Variants in CC2D2B observed in about 807,000 individuals in gnomAD.
CC2D2B encodes coiled-coil and C2 domain containing 2B.
Under a neutral mutation model 161.2 loss-of-function variants are expected in CC2D2B, and 128 were observed. The ratio of observed to expected loss-of-function variants is 0.79; its 90% CI spans 0.69 to 0.92. CC2D2B has a LOEUF of 0.92. Among genes scored for constraint, CC2D2B ranks in the 40% least tolerant of loss-of-function variants. The pLI is 0.00. For missense variants in CC2D2B, 1,173 were observed against 1,375.1 expected (o/e 0.85, Z 2.32); for synonymous variants, 391 against 449.8 (o/e 0.87, Z 1.65).
chr10:95,923,765 A>G (rs1425377069), intron 3 of CC2D2B, among the ~76,000 whole-genome samples: 3 of 152,200 alleles, frequency 2.0e-5, no homozygotes, highest in Non-Finnish European at 4.4e-5. Flanking sequence ...CTGTAATCCC[A>G]GGACTTTGGG....
chr10:95,941,496 C>T lies in CC2D2B; in HGVS notation c.801+2571C>T, dbSNP rs1407286559. On this transcript the variant is annotated intron_variant, in intron 9 of 34. Transcript: ENST00000646931. Reference sequence around the variant, plus strand: ...ATAAAGAACTGATTTAACTCAGTAACAAATTAAAAAATGGGAAAAAGACTT... The same window carrying T: ...ATAAAGAACTGATTTAACTCAGTAATAAATTAAAAAATGGGAAAAAGACTT... Among the ~76,000 whole-genome samples, 3 of 151,684 alleles carry T rather than the reference C, an allele frequency of 2.0e-5. No individual in the cohort carries two copies. In the East Asian group the frequency reaches 5.8e-4, roughly 29 times the overall value.
At chr10:95,944,690 T>C (rs1025839816) in intron 9 of CC2D2B, among the ~76,000 whole-genome samples, 2 of 152,226 alleles carry the variant, frequency 1.3e-5, no homozygotes, top group African/African-American at 2.4e-5. Flanking sequence ...CCATTCAGGT[T>C]AACCTTTGTA....
At chr10:96,024,811 A>G in intron 32 of CC2D2B, 42 bp from the exon 33 acceptor site, 2 of 1,177,668 alleles carry the variant, frequency 1.7e-6, no homozygotes, top group East Asian at 2.6e-5. Flanking sequence ...TGATGTAAAC[A>G]TGGTCTCTAG....
At chr10:95,960,019 T>C (rs2076707449) in intron 11 of CC2D2B, among the ~76,000 whole-genome samples, 1 of 152,210 alleles carries the variant, frequency 6.6e-6, no homozygotes, top group African/African-American at 2.4e-5. Flanking sequence ...TGATTAATAA[T>C]TTGATCCATT....
At chr10:95,972,452 T>A (rs114817469) in intron 16 of CC2D2B, among the ~76,000 whole-genome samples, 6,285 of 152,184 alleles carry the variant, frequency 0.041, 199 homozygotes, top group African/African-American at 0.082. Context: ...TAGCTGGGAT[T>A]ACAGATCCCT....
chr10:96,016,732 T>A (rs1266198179), intron 30 of CC2D2B, among the ~76,000 whole-genome samples: 1 of 152,212 alleles, frequency 6.6e-6, no homozygotes, highest in Non-Finnish European at 1.5e-5. Flanking sequence ...TTTATTTTTG[T>A]TTTTTGAGAT....
intron 19 of CC2D2B, among the ~76,000 whole-genome samples, chr10:95,985,519 C>T (rs2077683569): frequency 6.6e-6 from 1 of 152,130 alleles, no homozygotes; most frequent in Admixed American, 6.6e-5. Flanking sequence ...TTTCCTATGC[C>T]TGTCTTTACT....
Position 95,927,271 on chromosome 10 carries a change from G to A in CC2D2B, c.275G>A (p.Ser92Asn), listed in dbSNP as rs781448921. The A allele has an allele frequency of 4.5e-6, 7 of 1,551,230 alleles. No individual in the cohort carries two copies. The South Asian group carries it at 8.3e-5, about 18-fold the overall frequency. Residue 92 changes from serine (S) to asparagine (N), a missense_variant, in exon 6 of 35, where the codon AGT becomes AAT. Ser to Asn is a conservative substitution (Grantham distance 46). This residue lies in a region of CC2D2B where 298 missense variants were observed against 261.2 expected (regional missense o/e 1.14). Coordinates refer to ENST00000646931, the MANE Select transcript of CC2D2B (RefSeq NM_001349008.3). ...CAGACTGAAGTCTCATTGGATGAAA[G>A]TCTTTCATTTTTCATTCTGAGTGGT... Reference protein sequence around the residue: ...SPQTEVSLDESLSFFILSGEE... With the variant: ...SPQTEVSLDENLSFFILSGEE...
intron 34 of CC2D2B, among the ~76,000 whole-genome samples, chr10:96,028,348 C>T (rs1403652799): frequency 6.6e-6 from 1 of 152,082 alleles, no homozygotes; most frequent in East Asian, 1.9e-4. Context: ...AGAAGACATA[C>T]AATTGACAAA....
At chr10:95,914,577 T>C (rs2098512494) in intron 2 of CC2D2B, among the ~76,000 whole-genome samples, 1 of 152,216 alleles carries the variant, frequency 6.6e-6, no homozygotes, top group Non-Finnish European at 1.5e-5. Context: ...TCCCCCATGC[T>C]GTTCTTGTTA....
chr10:96,019,915 T>C (rs2079380276), intron 32 of CC2D2B, 91 bp downstream of exon 32: 1 of 1,212,820 alleles, frequency 8.2e-7, no homozygotes, highest in Non-Finnish European at 1.1e-6. Context: ...TGTTTTATAG[T>C]TGGTTGGTTA....
At chr10:95,931,348 A>AT (rs1414065098) in intron 6 of CC2D2B, among the ~76,000 whole-genome samples, 3 of 151,986 alleles carry the variant, frequency 2.0e-5, no homozygotes, top group Admixed American at 1.3e-4. Flanking sequence ...GGATTCATTG[A>AT]TTTTTTGAAG....
intron 20 of CC2D2B, among the ~76,000 whole-genome samples, chr10:95,989,222 C>T (rs2077850072): frequency 6.6e-6 from 1 of 152,208 alleles, no homozygotes; most frequent in African/African-American, 2.4e-5. Context: ...GTTCTTACTA[C>T]CCTGTGTGTC....
chr10:96,006,892 A>G (rs1330303063), intron 25 of CC2D2B, among the ~76,000 whole-genome samples: 2 of 152,128 alleles, frequency 1.3e-5, no homozygotes. Context: ...TCTTTTTATT[A>G]CTTGATACAT....
rs1195266626 is a variant in CC2D2B, at chr10:95,950,049, T to C, written c.955T>C (p.Tyr319His). Residue 319 changes from tyrosine (Y) to histidine (H), a missense_variant, in exon 10 of 35, where the codon TAT (tyrosine) becomes CAT (histidine). Coordinates refer to ENST00000646931, the MANE Select transcript of CC2D2B (RefSeq NM_001349008.3). The stretch of plus-strand genomic sequence containing the variant: ...ATTATGCGCAAGGCTTCTCCAACTT[T>C]ATGAATGTTTTCAGGACAGGCAGCA... Reference protein sequence around the residue: ...QVLCARLLQLYECFQDRQQQN... With the variant: ...QVLCARLLQLHECFQDRQQQN... The C allele has an allele frequency of 5.0e-6, 2 of 398,698 alleles. No homozygotes were observed. The highest frequency in any genetic ancestry group is 4.4e-5 in the Admixed American group (1 of 22,698). 24.7% of individuals were successfully genotyped at this position (398,698 alleles called of 1,614,324 possible). A position where few individuals can be genotyped will look rare whatever the true frequency, so the allele number is the denominator to read the frequency against.
chr10:95,982,010 G>A lies in CC2D2B; in HGVS notation c.1979G>A (p.Gly660Glu). 8.1e-7 allele frequency: 1 copy of A among 1,230,730 alleles called. No homozygotes were observed. The highest frequency in any genetic ancestry group is 1.0e-6 in the Non-Finnish European group (1 of 986,812). The allele number at this position is 1,230,730 out of a possible 1,614,324, so 76.2% of individuals were successfully genotyped here. A position where few individuals can be genotyped will look rare whatever the true frequency, so the allele number is the denominator to read the frequency against. The change falls in exon 18 of 35, where the codon GGA becomes GAA. Residue 660 changes from glycine to glutamate, a missense_variant. Physicochemically the swap from Gly to Glu is moderately conservative, Grantham distance 98. Around this residue, in one of 3 missense-constraint regions of CC2D2B, gnomAD observed 277 missense variants for 420.6 expected, o/e 0.66. Transcript: ENST00000646931. ...AATGTAGATGCAAGAAGTGTTCCTG[G>A]AATTCCATGGCTCATGAATGAACAG... is the stretch of plus-strand genomic sequence containing the variant. Reference protein sequence around the residue: ...LRNVDARSVPGIPWLMNEQKL... With the variant: ...LRNVDARSVPEIPWLMNEQKL...
chr10:96,013,733 T>C lies in CC2D2B; in HGVS notation c.3427-55T>C, dbSNP rs1259375581. 9 of 1,024,838 alleles carry C rather than the reference T, an allele frequency of 8.8e-6. No individual in the cohort carries two copies. In the East Asian group the frequency reaches 2.3e-4, roughly 26 times the overall value. The allele number at this position is 1,024,838 out of a possible 1,614,324, so 63.5% of individuals were successfully genotyped here. A position where few individuals can be genotyped will look rare whatever the true frequency, so the allele number is the denominator to read the frequency against. On this transcript the variant is annotated intron_variant, in intron 28 of 34. Coordinates refer to ENST00000646931, the MANE Select transcript of CC2D2B (RefSeq NM_001349008.3). ...AAATGAGAGAGTGCATGTAAAGCATTGTGCTAAGTGATGGACATACAGCAC... is the reference window on the plus strand; with the variant it reads ...AAATGAGAGAGTGCATGTAAAGCATCGTGCTAAGTGATGGACATACAGCAC...
At chr10:95,978,392 T>A (rs1229509580) in intron 17 of CC2D2B, among the ~76,000 whole-genome samples, 1 of 152,120 alleles carries the variant, frequency 6.6e-6, no homozygotes, top group African/African-American at 2.4e-5. Context: ...TGAGACAGGG[T>A]CTCACTCTGT....
chr10:96,004,236 T>C lies in CC2D2B; in HGVS notation c.2934T>C (p.Thr978=), dbSNP rs1323221209. 1 of 1,444,712 alleles carries C rather than the reference T, an allele frequency of 6.9e-7. No homozygotes were observed. Among genetic ancestry groups the C allele is most frequent in the South Asian group, 1.3e-5 (1 of 78,184 alleles). The allele number at this position is 1,444,712 out of a possible 1,614,324, so 89.5% of individuals were successfully genotyped here. ...IYINIFDEMM[T]EKHEDHCLKS... ...TCAACATTTTTGATGAAATGATGAC[T>C]GAAAAACATGAGGTAAAGTAGAATA... Residue 978 remains threonine (T), a synonymous_variant, in exon 25 of 35, where the codon ACT becomes ACC. Transcript: ENST00000646931.
Sources: gnomAD v4.1 joint callset for allele counts (sites outside exome capture counted in the v4.1 genomes callset) on GRCh38, gnomAD v4.1.1 for gene constraint, gnomAD v4.1.1 regional missense constraint, MANE v1.5 for transcripts, NCBI Gene and HGNC (gene_info 2026-07-23, HGNC 2026-07-21) for gene names.